Variants in RARB observed in about 807,000 individuals in gnomAD.
RARB encodes the protein HBV-activated protein.
In RARB, 17 loss-of-function variants were observed where a neutral mutation model predicts 51.9. The ratio of observed to expected loss-of-function variants is 0.33; its 90% CI spans 0.22 to 0.49. The LOEUF is 0.49. Among genes scored for constraint, RARB ranks in the 20% least tolerant of loss-of-function variants. The pLI, the probability that RARB is intolerant of heterozygous loss-of-function variation, is 0.99. For synonymous variants in RARB, 215 were observed against 195.4 expected, an observed-to-expected ratio of 1.10 and a Z score of -0.84; for missense variants, 369 against 550.8, an observed-to-expected ratio of 0.67 and a Z score of 3.30.
At chr3:24,937,424 C>A (rs1394963170) in intron 2 of RARB, among the ~76,000 whole-genome samples, 2 of 152,122 alleles carry the variant, frequency 1.3e-5, no homozygotes, top group Non-Finnish European at 2.9e-5. Context: ...GACTGTCCTA[C>A]TTTATCTTAC....
At chr3:25,195,133 T>C (rs192055791) in intron 5 of RARB, among the ~76,000 whole-genome samples, 1 of 152,162 alleles carries the variant, frequency 6.6e-6, no homozygotes, top group Non-Finnish European at 1.5e-5. Context: ...TTTATCATAC[T>C]GCTGAAATCC....
chr3:24,843,717 A>G (rs1347587957), intron 1 of RARB, among the ~76,000 whole-genome samples: 2 of 152,150 alleles, frequency 1.3e-5, no homozygotes, highest in Non-Finnish European at 1.5e-5. Flanking sequence ...CTAGGGCTCA[A>G]CCCCAGACCT....
At chr3:25,084,683 T>A (rs1609936) in intron 3 of RARB, among the ~76,000 whole-genome samples, 1 of 151,528 alleles carries the variant, frequency 6.6e-6, no homozygotes, top group Non-Finnish European at 1.5e-5. Flanking sequence ...GGATAATGTT[T>A]TGATATTATC....
chr3:25,180,206 A>G (rs549517564), intron 5 of RARB, among the ~76,000 whole-genome samples: 4 of 152,200 alleles, frequency 2.6e-5, no homozygotes, highest in Non-Finnish European at 4.4e-5. Context: ...TAGGAAGGAC[A>G]TGACTGAAAG....
rs138649959 is a variant in RARB, at chr3:25,120,527, ATCTCTCTCTC to A, written c.-327-11607_-327-11598del. Among the ~76,000 whole-genome samples the A allele has an allele frequency of 3.0e-3, 402 of 136,164 alleles. 2 individuals are homozygous for A. The highest frequency in any genetic ancestry group is 0.01 in the African/African-American group (372 of 35,652). The allele number at this position is 136,164 out of a possible 152,430, so 89.3% of individuals were successfully genotyped here. A position where few individuals can be genotyped will look rare whatever the true frequency, so the allele number is the denominator to read the frequency against. On this transcript the variant is annotated intron_variant, in intron 3 of 11. Coordinates refer to the RARB transcript ENST00000383772. ...AAGAAATATAAATATATATATAAAA[ATCTCTCTCTC>A]TCTCTCTCTCTCTCTCTCTCTCTCT...
At chr3:25,097,247 C>G (rs1181583158) in intron 3 of RARB, among the ~76,000 whole-genome samples, 1 of 152,096 alleles carries the variant, frequency 6.6e-6, no homozygotes. Flanking sequence ...GGAGGTGAAC[C>G]AAACACTATT....
At chr3:25,074,887 G>A (rs917782708) in intron 3 of RARB, among the ~76,000 whole-genome samples, 16 of 152,246 alleles carry the variant, frequency 1.1e-4, no homozygotes, top group African/African-American at 2.6e-4. Context: ...TGACTTGTAC[G>A]TATTTGGCAA....
chr3:24,873,771 T>C (rs534395042), intron 2 of RARB, among the ~76,000 whole-genome samples: 2 of 152,032 alleles, frequency 1.3e-5, no homozygotes, highest in Non-Finnish European at 2.9e-5. Flanking sequence ...ATTATTTGAT[T>C]ATCTTTGAAT....
Position 25,594,592 on chromosome 3 carries a change from A to G in RARB, c.1064A>G (p.Tyr355Cys). ...CCATTGCTGGAAGCACTAAAAATTTATATCAGAAAAAGACGACCCAGCAAG... is the reference window on the plus strand; with the variant it reads ...CCATTGCTGGAAGCACTAAAAATTTGTATCAGAAAAAGACGACCCAGCAAG... ...QEPLLEALKI[Y>C]IRKRRPSKPH... The change falls in exon 7 of 8, where the codon TAT (tyrosine) becomes TGT (cysteine). Residue 355 changes from tyrosine (Y) to cysteine (C), a missense_variant. By Grantham distance (194) the Tyr-to-Cys change is radical. Around this residue, in one of 9 missense-constraint regions of RARB, gnomAD observed 76 missense variants for 153.3 expected, o/e 0.50. Coordinates refer to ENST00000330688, the MANE Select transcript of RARB (RefSeq NM_000965.5). The G allele has an allele frequency of 1.2e-6, 2 of 1,613,806 alleles. No homozygotes were observed. The highest frequency in any genetic ancestry group is 2.2e-5 in the East Asian group (1 of 44,876).
chr3:25,054,862 A>G (rs1698406128), intron 2 of RARB, among the ~76,000 whole-genome samples: 1 of 152,206 alleles, frequency 6.6e-6, no homozygotes, highest in Non-Finnish European at 1.5e-5. Context: ...GAGCTAGTTC[A>G]AAGCAATCTC....
chr3:25,151,392 G>A (rs992879459), intron 4 of RARB, among the ~76,000 whole-genome samples: 1 of 152,192 alleles, frequency 6.6e-6, no homozygotes, highest in South Asian at 2.1e-4. Context: ...AAAAGGGAAA[G>A]CTCCTTACCC....
chr3:25,582,688 C>A (rs927499357), intron 5 of RARB, among the ~76,000 whole-genome samples: 28 of 152,104 alleles, frequency 1.8e-4, no homozygotes, highest in African/African-American at 6.8e-4. Context: ...CAGCACCTCT[C>A]TTCCCACATC....
intron 5 of RARB, among the ~76,000 whole-genome samples, chr3:25,241,832 T>A (rs1427998827): frequency 1.3e-5 from 2 of 152,234 alleles, no homozygotes; most frequent in African/African-American, 2.4e-5. Context: ...TACCCAGTAA[T>A]GGGATTGCTA....
chr3:25,289,413 A>C (rs1364823782), intron 5 of RARB, among the ~76,000 whole-genome samples: 1 of 152,174 alleles, frequency 6.6e-6, no homozygotes, highest in Non-Finnish European at 1.5e-5. Context: ...TCAATCACAA[A>C]GAGTTCCCTT....
chr3:25,430,609 A>G (rs1427089808), intron 1 of RARB, among the ~76,000 whole-genome samples: 1 of 152,224 alleles, frequency 6.6e-6, no homozygotes, highest in Non-Finnish European at 1.5e-5. Context: ...TTCTTGGACA[A>G]GTTAAACAAG....
chr3:25,158,590 A>T (rs150236308), intron 4 of RARB, among the ~76,000 whole-genome samples: 1 of 152,224 alleles, frequency 6.6e-6, no homozygotes, highest in South Asian at 2.1e-4. Flanking sequence ...ATTTCAGAAG[A>T]AAGTCTAGTC....
chr3:24,932,496 A>G (rs1205830842), intron 2 of RARB, among the ~76,000 whole-genome samples: 2 of 152,132 alleles, frequency 1.3e-5, no homozygotes, highest in Admixed American at 6.6e-5. Context: ...TAGCAACTCT[A>G]AAGTGCTCAT....
chr3:24,950,990 T>C (rs751448258), intron 2 of RARB, among the ~76,000 whole-genome samples: 1 of 152,128 alleles, frequency 6.6e-6, no homozygotes, highest in Non-Finnish European at 1.5e-5. Context: ...CAAACCCAGT[T>C]GCAGGACTGG....
intron 3 of RARB, among the ~76,000 whole-genome samples, chr3:25,554,027 T>C (rs1699948769): frequency 6.6e-6 from 1 of 151,632 alleles, no homozygotes; most frequent in Non-Finnish European, 1.5e-5. Flanking sequence ...GTTTTCAGGG[T>C]GTAATGTCAT....
Sources: gnomAD v4.1 joint callset for allele counts (sites outside exome capture counted in the v4.1 genomes callset) on GRCh38, gnomAD v4.1.1 for gene constraint, gnomAD v4.1.1 regional missense constraint, MANE v1.5 for transcripts, NCBI Gene and HGNC (gene_info 2026-07-23, HGNC 2026-07-21) for gene names.